The following MSH3 variants were observed in gnomAD, a reference collection of about 807,000 sequenced individuals.
MSH3 encodes DNA mismatch repair protein Msh3.
MSH3 carries 106 observed loss-of-function variants against 123.3 expected under a neutral mutation model. That is an observed-to-expected ratio of 0.86 (90% CI 0.73 to 1.01). MSH3 has a LOEUF of 1.01. Ranked by LOEUF, MSH3 falls within the 50% of genes least tolerant of loss-of-function variation. The pLI is 0.00. For synonymous variants in MSH3, 515 were observed against 481.4 expected, an observed-to-expected ratio of 1.07 and a Z score of -0.91; for missense variants, 1,459 against 1,347.6, an observed-to-expected ratio of 1.08 and a Z score of -1.29.
chr5:80,823,620 A>AT (rs1252070424), intron 20 of MSH3, among the ~76,000 whole-genome samples: 13 of 72,622 alleles, frequency 1.8e-4, no homozygotes, highest in Non-Finnish European at 1.2e-4. Context: ...GTGCACATTA[A>AT]ATTTTTTTTT....
chr5:80,674,488 G>T (rs986880474), intron 6 of MSH3, among the ~76,000 whole-genome samples: 22 of 152,166 alleles, frequency 1.4e-4, no homozygotes, highest in Non-Finnish European at 2.6e-4. Flanking sequence ...GATTGTTAAG[G>T]ATTCAAGTCT....
In MSH3 at chr5:80,675,081, G is replaced by C. The variant is rs1294556697; in HGVS notation, c.1126G>C (p.Glu376Gln). 6.2e-7 allele frequency: 1 copy of C among 1,613,558 alleles called. No homozygotes were observed. Among genetic ancestry groups the C allele is most frequent in the Non-Finnish European group, 8.5e-7 (1 of 1,179,846 alleles). ...TCTTCTGTGCATCTCTGAAAATAAG[G>C]AAAATGTTAGGGACAAAAAAAAGGG... ...SYLLCISENK[E>Q]NVRDKKKGNI... Residue 376 changes from glutamate to glutamine, a missense_variant, in exon 7 of 24, where the codon GAA (glutamate) becomes CAA (glutamine). Glu to Gln is a conservative substitution (Grantham distance 29). Coordinates refer to ENST00000265081, the MANE Select transcript of MSH3 (RefSeq NM_002439.5).
chr5:80,824,515 C>G (rs1445633165), intron 20 of MSH3, among the ~76,000 whole-genome samples: 2 of 152,178 alleles, frequency 1.3e-5, no homozygotes, highest in Non-Finnish European at 2.9e-5. Flanking sequence ...TAAAAGTGTC[C>G]CAGATGATTT....
chr5:80,766,608 G>T (rs1744128939), intron 13 of MSH3, among the ~76,000 whole-genome samples: 1 of 152,070 alleles, frequency 6.6e-6, no homozygotes, highest in South Asian at 2.1e-4. Context: ...CTCCCAAAGT[G>T]CTGGGATTAC....
At chr5:80,666,122 C>A (rs1052894212) in intron 3 of MSH3, among the ~76,000 whole-genome samples, 8 of 152,156 alleles carry the variant, frequency 5.3e-5, no homozygotes, top group African/African-American at 1.9e-4. Flanking sequence ...TACAGTTGTG[C>A]GATTATAGTT....
intron 12 of MSH3, among the ~76,000 whole-genome samples, chr5:80,750,116 A>G (rs1050834907): frequency 1.0e-4 from 6 of 59,568 alleles, no homozygotes; most frequent in African/African-American, 5.9e-4. Context: ...TGTGTGTCAC[A>G]TTTAAAAAAT....
intron 23 of MSH3, among the ~76,000 whole-genome samples, chr5:80,873,987 C>T (rs1746265639): frequency 6.6e-6 from 1 of 152,140 alleles, no homozygotes; most frequent in African/African-American, 2.4e-5. Flanking sequence ...CCCCATCCAC[C>T]TACTGCCCCA....
intron 20 of MSH3, among the ~76,000 whole-genome samples, chr5:80,841,152 A>G (rs1325071974): frequency 1.3e-5 from 2 of 151,692 alleles, no homozygotes; most frequent in African/African-American, 2.4e-5. Context: ...GAGAACATGC[A>G]GTGTTTGATT....
chr5:80,667,022 A>G (rs977476823), intron 3 of MSH3, among the ~76,000 whole-genome samples: 1 of 152,214 alleles, frequency 6.6e-6, no homozygotes, highest in Admixed American at 6.5e-5. Context: ...AATATGTACA[A>G]CAAACCCTCA....
chr5:80,876,140 A>G lies in MSH3; in HGVS notation c.*278A>G. Reference sequence around the variant, plus strand: ...CCAGTAAAGCCTTAAGTGGCAGAATATAATTCCCAAGCTTTTGGAGGGTGA... The same window carrying G: ...CCAGTAAAGCCTTAAGTGGCAGAATGTAATTCCCAAGCTTTTGGAGGGTGA... On this transcript the variant is annotated 3_prime_UTR_variant, in exon 24 of 24. Transcript: ENST00000265081. 1 of 365,242 alleles carries G rather than the reference A, an allele frequency of 2.7e-6. No individual in the cohort carries two copies. Among genetic ancestry groups the G allele is most frequent in the Non-Finnish European group, 4.9e-6 (1 of 203,982 alleles). 22.6% of individuals were successfully genotyped at this position (365,242 alleles called of 1,614,324 possible).
At chr5:80,799,500 CTTT>C (rs746348952) in intron 19 of MSH3, among the ~76,000 whole-genome samples, 5,700 of 30,760 alleles carry the variant, frequency 0.19, 155 homozygotes, top group Middle Eastern at 0.25. Context: ...GAAGATAGCA[CTTT>C]TTTTTTTTTT....
chr5:80,788,955 A>G (rs1269002543), intron 18 of MSH3, among the ~76,000 whole-genome samples: 1 of 152,090 alleles, frequency 6.6e-6, no homozygotes, highest in East Asian at 1.9e-4. Context: ...TGCGTGTTCT[A>G]TCCTAGTGTA....
intron 3 of MSH3, 73 bp downstream of exon 3, chr5:80,665,436 G>A: frequency 9.1e-7 from 1 of 1,104,866 alleles, no homozygotes; most frequent in Non-Finnish European, 1.3e-6. Flanking sequence ...GGTTCTCTGA[G>A]GTCATTCATG....
chr5:80,813,728 G>T lies in MSH3; in HGVS notation c.2800G>T (p.Gly934Cys), dbSNP rs752392020. The change falls in exon 20 of 24, where the codon GGC becomes TGC. Residue 934 changes from glycine to cysteine, a missense_variant. By Grantham distance (159) the Gly-to-Cys change is radical. Coordinates refer to ENST00000265081, the MANE Select transcript of MSH3 (RefSeq NM_002439.5). ...AEEATIGIVD[G>C]IFTRMGAADN... is the part of the protein sequence containing the mutation. Reference sequence around the variant, plus strand: ...AGAAGCGACAATTGGGATTGTGGATGGCATTTTCACAAGGTAAGTACGTTA... The same window carrying T: ...AGAAGCGACAATTGGGATTGTGGATTGCATTTTCACAAGGTAAGTACGTTA... 80 of 1,614,000 alleles carry T rather than the reference G, an allele frequency of 5.0e-5. No homozygotes were observed. In the South Asian group the frequency reaches 8.3e-4, roughly 17 times the overall value.
chr5:80,797,150 C>T (rs1434891842), intron 19 of MSH3, among the ~76,000 whole-genome samples: 1 of 151,632 alleles, frequency 6.6e-6, no homozygotes, highest in African/African-American at 2.4e-5. Context: ...CTCTTGCACT[C>T]AGCCTTCCTT....
At chr5:80,872,360 G>C (rs1746230358) in intron 22 of MSH3, among the ~76,000 whole-genome samples, 1 of 152,012 alleles carries the variant, frequency 6.6e-6, no homozygotes, top group African/African-American at 2.4e-5. Context: ...TCAGCTACTC[G>C]GGAGGCTGAG....
intron 20 of MSH3, among the ~76,000 whole-genome samples, chr5:80,836,543 C>CAAAAAAAAAAAAAA (rs71603568): frequency 1.7e-5 from 2 of 118,822 alleles, no homozygotes; most frequent in Non-Finnish European, 3.4e-5. Context: ...GAATATGCCA[C>CAAAAAAAAAAAAAA]AAAAAAAAAA....
intron 5 of MSH3, 119 bp from the exon 6 acceptor site, chr5:80,672,622 C>T: frequency 1.1e-6 from 1 of 879,914 alleles, no homozygotes; most frequent in Non-Finnish European, 1.9e-6. Flanking sequence ...AACCCTACAT[C>T]TGAACGTTGT....
intron 10 of MSH3, among the ~76,000 whole-genome samples, chr5:80,735,142 G>C (rs920996476): frequency 1.3e-5 from 2 of 152,118 alleles, no homozygotes; most frequent in African/African-American, 4.8e-5. Flanking sequence ...TCAGCACTTT[G>C]GGAGGGTGAG....
Sources: gnomAD v4.1 joint callset for allele counts (sites outside exome capture counted in the v4.1 genomes callset) on GRCh38, gnomAD v4.1.1 for gene constraint, MANE v1.5 for transcripts, NCBI Gene and HGNC (gene_info 2026-07-23, HGNC 2026-07-21) for gene names.